ZNF678: variants seen among roughly 807,000 people sequenced by gnomAD.
ZNF678 encodes hypothetical protein MGC42493.
A neutral mutation model predicts 3.0 loss-of-function variants in ZNF678; 5 were observed. That is an observed-to-expected ratio of 1.69 (90% confidence interval 0.88 to 3.56). ZNF678 has a LOEUF of 3.56. ZNF678 is among the 30% of genes most tolerant of loss of function. The pLI is 0.00. For missense variants in ZNF678, 593 were observed against 605.0 expected (o/e 0.98, Z 0.21); for synonymous variants, 218 against 199.6 (o/e 1.09, Z -0.78).
intron 1 of ZNF678, among the ~76,000 whole-genome samples, chr1:227,588,640 C>G (rs934364951): frequency 1.3e-5 from 2 of 151,684 alleles, no homozygotes; most frequent in African/African-American, 2.4e-5. Flanking sequence ...GCTGGGATTA[C>G]ATGGTGGCAT....
At chr1:227,581,537 A>G (rs10916171) in intron 1 of ZNF678, among the ~76,000 whole-genome samples, 47,534 of 152,028 alleles carry the variant, frequency 0.31, 8,840 homozygotes, top group Middle Eastern at 0.43. Flanking sequence ...TAAAATGTGT[A>G]CTCTTTATGA....
chr1:227,662,180 G>A lies in ZNF678; in HGVS notation c.*6352G>A, dbSNP rs1036662328. 2.0e-5 allele frequency: 3 copies of A among 152,212 alleles called. No individual in the cohort carries two copies. Among genetic ancestry groups the A allele is most frequent in the African/African-American group, 7.2e-5 (3 of 41,458 alleles). 9.4% of individuals were successfully genotyped at this position (152,212 alleles called of 1,614,324 possible). A position where few individuals can be genotyped will look rare whatever the true frequency, so the allele number is the denominator to read the frequency against. On this transcript the variant is annotated 3_prime_UTR_variant, in exon 4 of 4. Coordinates refer to ENST00000343776, the MANE Select transcript of ZNF678 (RefSeq NM_001367909.1). Reference sequence around the variant, plus strand: ...AGCTGTGGAGCAACAGCACACATCTGTATTAATAGCCTGTGTTAAGAGATT... The same window carrying A: ...AGCTGTGGAGCAACAGCACACATCTATATTAATAGCCTGTGTTAAGAGATT...
At chr1:227,667,999 A>G (rs546021298) in intron 5 of ZNF678, among the ~76,000 whole-genome samples, 2 of 152,354 alleles carry the variant, frequency 1.3e-5, no homozygotes, top group South Asian at 4.1e-4. Context: ...TAGATATTTT[A>G]TGGAACAGAA....
intron 1 of ZNF678, among the ~76,000 whole-genome samples, chr1:227,590,560 G>A (rs1270304970): frequency 2.6e-5 from 4 of 151,772 alleles, no homozygotes; most frequent in Non-Finnish European, 5.9e-5. Context: ...TCAGGAGGCC[G>A]TTTATCATCT....
rs1659365343 is a variant in ZNF678, at chr1:227,660,214, G to A, written c.*4386G>A. 1 of 151,162 alleles carries A rather than the reference G, an allele frequency of 6.6e-6. No homozygotes were observed. The highest frequency in any genetic ancestry group is 6.6e-5 in the Admixed American group (1 of 15,170). The allele number at this position is 151,162 out of a possible 1,614,324, so 9.4% of individuals were successfully genotyped here. A position where few individuals can be genotyped will look rare whatever the true frequency, so the allele number is the denominator to read the frequency against. ...ATATTTGACTGTCAAGTAGTGCAGT[G>A]CTTCCAACCTTCAGAGTCTTTTACT... On this transcript the variant is annotated 3_prime_UTR_variant, in exon 4 of 4. Coordinates refer to ENST00000343776, the MANE Select transcript of ZNF678 (RefSeq NM_001367909.1).
chr1:227,662,988 T>G (rs1659441140), downstream of ZNF678, among the ~76,000 whole-genome samples: 1 of 152,180 alleles, frequency 6.6e-6, no homozygotes, highest in African/African-American at 2.4e-5. Context: ...TAGAGGTAAT[T>G]AAGGTTAAGT....
intron 1 of ZNF678, among the ~76,000 whole-genome samples, chr1:227,573,021 GAGAGT>G (rs1179412008): frequency 3.9e-5 from 6 of 152,268 alleles, no homozygotes; most frequent in Non-Finnish European, 8.8e-5. Context: ...GCTGGATGGA[GAGAGT>G]AGAGTGTGGT....
chr1:227,571,181 A>G (rs1656831530), intron 1 of ZNF678, among the ~76,000 whole-genome samples: 1 of 152,230 alleles, frequency 6.6e-6, no homozygotes, highest in Non-Finnish European at 1.5e-5. Context: ...AAATTTTGAC[A>G]TTAGAGAATT....
intron 1 of ZNF678, among the ~76,000 whole-genome samples, chr1:227,602,634 A>G (rs1325123194): frequency 6.6e-6 from 1 of 152,224 alleles, no homozygotes; most frequent in Non-Finnish European, 1.5e-5. Context: ...ATATAGCCAG[A>G]ATTACTGTTT....
At chr1:227,568,673 G>A (rs924467614) in intron 1 of ZNF678, among the ~76,000 whole-genome samples, 6 of 152,148 alleles carry the variant, frequency 3.9e-5, no homozygotes, top group South Asian at 2.1e-4. Flanking sequence ...TTGAGTATGC[G>A]GTTATGGGAG....
intron 1 of ZNF678, among the ~76,000 whole-genome samples, chr1:227,623,010 A>C (rs1658317961): frequency 1.3e-5 from 2 of 152,214 alleles, no homozygotes; most frequent in Admixed American, 6.5e-5. Context: ...GAGCTTTACT[A>C]CACCTTCCTC....
At chr1:227,636,589 G>A (rs778485651) in intron 1 of ZNF678, among the ~76,000 whole-genome samples, 7 of 152,202 alleles carry the variant, frequency 4.6e-5, no homozygotes, top group Non-Finnish European at 5.9e-5. Flanking sequence ...TGGATGATCC[G>A]TTGTGGAGGC....
At chr1:227,613,902 A>G (rs752830210) in intron 1 of ZNF678, among the ~76,000 whole-genome samples, 2 of 152,134 alleles carry the variant, frequency 1.3e-5, no homozygotes, top group Non-Finnish European at 2.9e-5. Context: ...ACCCAAAACA[A>G]TTGATTATTG....
chr1:227,665,177 G>A (rs1659481388), downstream of ZNF678, among the ~76,000 whole-genome samples: 1 of 152,202 alleles, frequency 6.6e-6, no homozygotes, highest in African/African-American at 2.4e-5. Context: ...AGGGGTGGGA[G>A]GTAGCGTGGA....
intron 1 of ZNF678, among the ~76,000 whole-genome samples, chr1:227,601,556 T>A (rs1195648149): frequency 2.6e-5 from 4 of 151,748 alleles, no homozygotes; most frequent in South Asian, 2.1e-4. Flanking sequence ...TATAATTTTA[T>A]TTATTTATTT....
intron 1 of ZNF678, among the ~76,000 whole-genome samples, chr1:227,564,624 T>C (rs922816544): frequency 2.0e-5 from 3 of 152,252 alleles, no homozygotes; most frequent in Admixed American, 6.5e-5. Flanking sequence ...TTCACAACAC[T>C]GTCAGCTATT....
intron 1 of ZNF678, among the ~76,000 whole-genome samples, chr1:227,610,718 A>G (rs1362006198): frequency 2.0e-5 from 3 of 152,112 alleles, no homozygotes; most frequent in Non-Finnish European, 4.4e-5. Context: ...TGTACTGATG[A>G]CTGTACAATC....
At chr1:227,604,177 C>G (rs1213114561) in intron 1 of ZNF678, among the ~76,000 whole-genome samples, 1 of 152,196 alleles carries the variant, frequency 6.6e-6, no homozygotes, top group Admixed American at 6.5e-5. Context: ...ATTTTCATCT[C>G]TTTTGGGCAC....
chr1:227,630,097 C>T (rs1658514193), intron 1 of ZNF678, among the ~76,000 whole-genome samples: 6 of 152,138 alleles, frequency 3.9e-5, no homozygotes, highest in Admixed American at 3.9e-4. Flanking sequence ...CTGCAGCTGA[C>T]TGAGTGATAA....
Sources: allele counts gnomAD v4.1 joint callset (sites outside exome capture counted in the v4.1 genomes callset), GRCh38; gene constraint gnomAD v4.1.1; transcripts MANE v1.5; gene names NCBI Gene and HGNC (gene_info 2026-07-23, HGNC 2026-07-21).